The following HAPLN1 variants were observed in gnomAD, a reference collection of about 807,000 sequenced individuals.
HAPLN1 encodes the protein hyaluronan and proteoglycan link protein 1.
A neutral mutation model predicts 36.5 loss-of-function variants in HAPLN1; 13 were observed. The observed-to-expected ratio is 0.36, with a 90% CI of 0.23 to 0.57. HAPLN1 has a LOEUF of 0.57. HAPLN1 is among the 20% of genes least tolerant of loss of function. The pLI, the probability that HAPLN1 is intolerant of heterozygous loss-of-function variation, is 0.83. For synonymous variants in HAPLN1, 202 were observed against 169.8 expected, an observed-to-expected ratio of 1.19 and a Z score of -1.48; for missense variants, 407 against 439.7, an observed-to-expected ratio of 0.93 and a Z score of 0.66.
intron 1 of HAPLN1, among the ~76,000 whole-genome samples, chr5:83,678,743 G>A (rs1415906705): frequency 2.6e-5 from 4 of 152,016 alleles, no homozygotes; most frequent in African/African-American, 9.7e-5. Flanking sequence ...GAAATAAAGA[G>A]GAAGAAAAGG....
chr5:83,709,177 A>G (rs1751719912), intron 1 of HAPLN1, among the ~76,000 whole-genome samples: 1 of 152,190 alleles, frequency 6.6e-6, no homozygotes, highest in Non-Finnish European at 1.5e-5. Flanking sequence ...CTAGCCATGT[A>G]TTTCTCTAAA....
At chr5:83,690,562 A>ATT (rs1442636732) in intron 1 of HAPLN1, among the ~76,000 whole-genome samples, 1 of 151,954 alleles carries the variant, frequency 6.6e-6, no homozygotes, top group African/African-American at 2.4e-5. Flanking sequence ...TGTTAATTCT[A>ATT]TTTTCACAGA....
At chr5:83,678,398 AATAT>A (rs924516110) in intron 1 of HAPLN1, among the ~76,000 whole-genome samples, 6 of 152,180 alleles carry the variant, frequency 3.9e-5, no homozygotes, top group African/African-American at 1.4e-4. Flanking sequence ...TAAGGCGAAA[AATAT>A]ATAATCAGAA....
chr5:83,665,085 G>A (rs1035292790), intron 2 of HAPLN1, among the ~76,000 whole-genome samples: 10 of 152,072 alleles, frequency 6.6e-5, no homozygotes, highest in Admixed American at 5.9e-4. Context: ...TCAAGAGAAA[G>A]TAAGAATTGT....
At chr5:83,682,069 G>A (rs1751018278) in intron 1 of HAPLN1, among the ~76,000 whole-genome samples, 1 of 152,114 alleles carries the variant, frequency 6.6e-6, no homozygotes. Context: ...AATTGAGCCA[G>A]CAAAACAATA....
chr5:83,718,107 A>G (rs537999838), intron 1 of HAPLN1, among the ~76,000 whole-genome samples: 28 of 152,332 alleles, frequency 1.8e-4, no homozygotes, highest in Admixed American at 1.8e-3. Context: ...AACAAATCCT[A>G]TATTAGAAGT....
intron 2 of HAPLN1, among the ~76,000 whole-genome samples, chr5:83,668,808 T>C (rs1286670499): frequency 6.6e-6 from 1 of 152,188 alleles, no homozygotes; most frequent in Non-Finnish European, 1.5e-5. Flanking sequence ...GGAGGCATGT[T>C]AGCAGGAAGT....
intron 1 of HAPLN1, among the ~76,000 whole-genome samples, chr5:83,678,220 G>GTGTGT (rs1554049527): frequency 0.082 from 11,724 of 142,564 alleles, 559 homozygotes; most frequent in African/African-American, 0.11. Context: ...CTATAGTTTG[G>GTGTGT]GTGTGTGTGT....
chr5:83,677,327 TA>T (rs1190712258), intron 1 of HAPLN1, among the ~76,000 whole-genome samples: 6 of 152,168 alleles, frequency 3.9e-5, no homozygotes, highest in Non-Finnish European at 4.4e-5. Flanking sequence ...CATTCCCAAC[TA>T]CCATTACCAT....
intron 1 of HAPLN1, among the ~76,000 whole-genome samples, chr5:83,700,193 C>CAA (rs58457969): frequency 9.3e-4 from 92 of 99,238 alleles, no homozygotes; most frequent in East Asian, 4.1e-3. Context: ...GACTCCATCT[C>CAA]AAAAAAAAAA....
chr5:83,714,135 G>A (rs530675443), intron 1 of HAPLN1, among the ~76,000 whole-genome samples: 1 of 152,114 alleles, frequency 6.6e-6, no homozygotes, highest in Non-Finnish European at 1.5e-5. Context: ...GACACCAACA[G>A]CGGCAACAGG....
Position 83,641,618 on chromosome 5 carries a change from G to A in HAPLN1, c.943C>T (p.Arg315Cys). The change falls in exon 5 of 5, where the codon CGC (arginine) becomes TGC (cysteine). Residue 315 changes from arginine (R) to cysteine (C), a missense_variant. Arg to Cys is a radical substitution (Grantham distance 180). Coordinates refer to ENST00000274341, the MANE Select transcript of HAPLN1 (RefSeq NM_001884.4). ...DAGWLADGSV[R>C]YPISRPRRRC... ...CTTCTTGGCCTAGAGATGGGGTAGCGGACGCTGCCATCCGCCAACCAGCCC... is the reference window on the plus strand; with the variant it reads ...CTTCTTGGCCTAGAGATGGGGTAGCAGACGCTGCCATCCGCCAACCAGCCC... 2 of 1,614,154 alleles carry A rather than the reference G, an allele frequency of 1.2e-6. No individual in the cohort carries two copies. The highest frequency in any genetic ancestry group is 1.7e-6 in the Non-Finnish European group (2 of 1,180,038).
At chr5:83,679,163 A>G (rs925028519) in intron 1 of HAPLN1, among the ~76,000 whole-genome samples, 2 of 152,228 alleles carry the variant, frequency 1.3e-5, no homozygotes, top group East Asian at 1.9e-4. Context: ...TACCTTAGCC[A>G]CTTACATACA....
chr5:83,661,229 CCTATATCTATCCAT>C (rs1287748997), intron 2 of HAPLN1, among the ~76,000 whole-genome samples: 1 of 126,470 alleles, frequency 7.9e-6, no homozygotes, highest in African/African-American at 2.6e-5. Flanking sequence ...TATACCTGTG[CCTATATCTATCCAT>C]CTATATCTAC....
chr5:83,663,173 A>C (rs192313222), intron 2 of HAPLN1, among the ~76,000 whole-genome samples: 231 of 152,344 alleles, frequency 1.5e-3, no homozygotes, highest in African/African-American at 5.5e-3. Flanking sequence ...GTCAGCAGAT[A>C]CAGGTTCCCA....
At chr5:83,641,912 G>C in intron 4 of HAPLN1, 127 bp from the exon 5 acceptor site, 2 of 1,000,810 alleles carry the variant, frequency 2.0e-6, no homozygotes, top group Non-Finnish European at 3.0e-6. Context: ...AAAATTTTGG[G>C]AACATAGAAA....
chr5:83,686,004 A>G (rs1303870582), intron 1 of HAPLN1: 1 of 152,080 alleles, frequency 6.6e-6, no homozygotes, highest in Non-Finnish European at 1.5e-5. Context: ...TTTGTAGGAG[A>G]ACATAAAGCA....
intron 2 of HAPLN1, among the ~76,000 whole-genome samples, chr5:83,664,540 G>T (rs981740860): frequency 6.6e-6 from 1 of 152,004 alleles, no homozygotes; most frequent in Non-Finnish European, 1.5e-5. Flanking sequence ...GAGACACCAG[G>T]TCTGGCTAAT....
chr5:83,668,517 A>T (rs73769331), intron 2 of HAPLN1, among the ~76,000 whole-genome samples: 3,275 of 152,316 alleles, frequency 0.022, 126 homozygotes, highest in African/African-American at 0.074. Flanking sequence ...AATTGTGTGA[A>T]CTATGATTTA....
Sources: allele counts gnomAD v4.1 joint callset (sites outside exome capture counted in the v4.1 genomes callset), GRCh38; gene constraint gnomAD v4.1.1; transcripts MANE v1.5; gene names NCBI Gene and HGNC (gene_info 2026-07-23, HGNC 2026-07-21).